POLE: variants seen among roughly 807,000 people sequenced by gnomAD.
POLE encodes the protein DNA polymerase epsilon catalytic subunit A.
In POLE, 188 loss-of-function variants were observed where a neutral mutation model predicts 279.2. That is an observed-to-expected ratio of 0.67 (90% confidence interval 0.60 to 0.76). The LOEUF is 0.76. Ranked by LOEUF, POLE falls within the 30% of genes least tolerant of loss-of-function variation. POLE has a pLI of 0.00. For synonymous variants in POLE, 1,214 were observed against 1,172.5 expected (o/e 1.04, Z -0.72); for missense variants, 2,703 against 3,016.7 (o/e 0.90, Z 2.44).
chr12:132,670,526 G>A (rs1296860680), intron 16 of POLE, among the ~76,000 whole-genome samples: 1 of 150,810 alleles, frequency 6.6e-6, no homozygotes, highest in Non-Finnish European at 1.5e-5. Context: ...TGGGATTCCA[G>A]GCTGCCCAGG....
intron 32 of POLE, among the ~76,000 whole-genome samples, chr12:132,648,116 A>G (rs1479357837): frequency 6.6e-6 from 1 of 152,178 alleles, no homozygotes; most frequent in African/African-American, 2.4e-5. Flanking sequence ...GCCATCTAAG[A>G]GCCTCAGCGC....
intron 16 of POLE, among the ~76,000 whole-genome samples, chr12:132,669,324 G>T (rs771650367): frequency 2.0e-5 from 3 of 152,124 alleles, no homozygotes; most frequent in Non-Finnish European, 2.9e-5. Context: ...AATTAGCCGT[G>T]TGTGGCGGTG....
intron 25 of POLE, 103 bp from the exon 26 acceptor site, chr12:132,659,612 C>T (rs1201228627): frequency 5.5e-6 from 5 of 904,340 alleles, no homozygotes; most frequent in East Asian, 5.2e-5. Flanking sequence ...TAGCCTGAGA[C>T]GCAGAAGGCT....
intron 45 of POLE, among the ~76,000 whole-genome samples, chr12:132,629,755 G>A (rs1275383003): frequency 6.6e-6 from 1 of 152,194 alleles, no homozygotes; most frequent in African/African-American, 2.4e-5. Flanking sequence ...GTGTTCACTG[G>A]AGGAGCACTT....
chr12:132,658,029 C>A (rs1445247105), intron 26 of POLE, 59 bp from the exon 27 acceptor site: 3 of 1,031,284 alleles, frequency 2.9e-6, no homozygotes, highest in Non-Finnish European at 4.6e-6. Flanking sequence ...AAAATCTGAT[C>A]CTAACTCTTA....
At chr12:132,677,100 C>T (rs2043071094) in intron 8 of POLE, among the ~76,000 whole-genome samples, 1 of 152,240 alleles carries the variant, frequency 6.6e-6, no homozygotes. Flanking sequence ...CTATCAACTA[C>T]CCAAACGGAA....
intron 32 of POLE, among the ~76,000 whole-genome samples, chr12:132,648,237 CAG>C (rs2042332902): frequency 6.6e-6 from 1 of 151,872 alleles, no homozygotes; most frequent in African/African-American, 2.4e-5. Flanking sequence ...CAGGCAAACC[CAG>C]AGACAGGAAG....
intron 42 of POLE, 112 bp downstream of exon 42, chr12:132,635,778 GCA>G (rs927670734): frequency 6.9e-6 from 7 of 1,017,156 alleles, no homozygotes; most frequent in Non-Finnish European, 1.0e-5. Context: ...GGATGCGGGT[GCA>G]GTGTCTGCTG....
chr12:132,632,680 C>A lies in POLE; in HGVS notation c.6120G>T (p.Ala2040=), dbSNP rs777260502. ...ACTGCTCACCGGGAAGGGCTCCGAC[C>A]GCCCCCTCGGCCTCCTGGGAGAGCT... ...ASQLSQEAEG[A]VGALPGMITF... is the part of the protein sequence containing the mutation. The change falls in exon 44 of 49, where the codon GCG becomes GCT. Residue 2040 remains alanine, a synonymous_variant. Coordinates refer to ENST00000320574, the MANE Select transcript of POLE (RefSeq NM_006231.4). 1 of 1,613,872 alleles carries A rather than the reference C, an allele frequency of 6.2e-7. No homozygotes were observed. The highest frequency in any genetic ancestry group is 1.3e-5 in the African/African-American group (1 of 74,904).
intron 26 of POLE, 190 bp from the exon 27 acceptor site, chr12:132,658,160 G>A: frequency 3.7e-6 from 2 of 542,966 alleles, no homozygotes; most frequent in South Asian, 4.1e-5. Context: ...ACGTGCGTAT[G>A]TGTAAACACG....
rs367920615 is a variant in POLE, at chr12:132,639,009, T to G, written c.5552+116A>C. The G allele has an allele frequency of 9.0e-6, 8 of 887,514 alleles. No homozygotes were observed. The African/African-American group carries it at 1.3e-4, about 15-fold the overall frequency. 55.0% of individuals were successfully genotyped at this position (887,514 alleles called of 1,614,324 possible). A position where few individuals can be genotyped will look rare whatever the true frequency, so the allele number is the denominator to read the frequency against. On this transcript the variant is annotated intron_variant, in intron 40 of 48. Coordinates refer to ENST00000320574, the MANE Select transcript of POLE (RefSeq NM_006231.4). This position sits in a 1 kb window ranked among gnomAD's most constrained non-coding sequence, Gnocchi z 4.7. ...CTTTGGATTGTTATGCTCCACAAACTCAGAAATACACTACTTATCCCAGAG... is the reference window on the plus strand; with the variant it reads ...CTTTGGATTGTTATGCTCCACAAACGCAGAAATACACTACTTATCCCAGAG...
chr12:132,664,993 CCT>C lies in POLE; in HGVS notation c.2468+307_2468+308del, dbSNP rs1414689898. ...GCAACTGCCCGACACTCTGCAAGTCCCTGAGTGAGGATCCACGCTGGGAGACA... is the reference window on the plus strand; with the variant it reads ...GCAACTGCCCGACACTCTGCAAGTCCGAGTGAGGATCCACGCTGGGAGACA... On this transcript the variant is annotated intron_variant, in intron 21 of 48. Transcript: ENST00000320574. The surrounding 1 kb of genome is among the most constrained non-coding windows in gnomAD (Gnocchi z 5.3). Among the ~76,000 whole-genome samples the C allele has an allele frequency of 1.3e-5, 2 of 152,092 alleles. No homozygotes were observed. The highest frequency in any genetic ancestry group is 2.9e-5 in the Non-Finnish European group (2 of 68,006).
chr12:132,657,301 C>T (rs374138268), intron 28 of POLE, 43 bp from the exon 29 acceptor site: 2 of 1,613,978 alleles, frequency 1.2e-6, no homozygotes, highest in African/African-American at 2.7e-5. Context: ...CCTTGTCTAA[C>T]TGCACAGTTT....
At chr12:132,659,201 TGAGGGGAGCCCTCACCTCTCCGTGACG>T in intron 26 of POLE, 67 bp downstream of exon 26, 1 of 1,287,230 alleles carries the variant, frequency 7.8e-7, no homozygotes, top group Non-Finnish European at 1.1e-6. Context: ...CTCTCTGTGA[TGAGGGGAGCCCTCACCTCTCCGTGACG>T]GAGGGAGCCC....
rs1322320493 is a variant in POLE at position 132,661,351 on chromosome 12, C to G, written c.2864+176G>C. Among the ~76,000 whole-genome samples, 1 of 152,154 alleles carries G rather than the reference C, an allele frequency of 6.6e-6. No homozygotes were observed. The highest frequency in any genetic ancestry group is 1.5e-5 in the Non-Finnish European group (1 of 68,028). On this transcript the variant is annotated intron_variant, in intron 24 of 48. Transcript: ENST00000320574. The surrounding 1 kb of genome is among the most constrained non-coding windows in gnomAD (Gnocchi z 4.1). ...GGAAAATGGCTGAAGGGCCTGCAGC[C>G]ACAGAGCCAGAATACAGCAGGCGGG...
At chr12:132,677,245 G>T in intron 8 of POLE, 118 bp downstream of exon 8, 1 of 766,230 alleles carries the variant, frequency 1.3e-6, no homozygotes, top group East Asian at 2.5e-5. Context: ...CTTTAATAAA[G>T]TATTTGGGGG....
At chr12:132,637,378 C>T (rs750573213) in intron 41 of POLE, among the ~76,000 whole-genome samples, 1 of 152,340 alleles carries the variant, frequency 6.6e-6, no homozygotes, top group Non-Finnish European at 1.5e-5. Flanking sequence ...TCAGAAAGGG[C>T]TGCATTCATC....
chr12:132,647,128 G>A (rs1015198746), intron 32 of POLE, among the ~76,000 whole-genome samples: 1 of 152,100 alleles, frequency 6.6e-6, no homozygotes, highest in Non-Finnish European at 1.5e-5. Flanking sequence ...GGCCTACCGT[G>A]TACCTTAACA....
At position 132,665,177 on chromosome 12, in the gene POLE, T is replaced by C; in HGVS notation, c.2468+125A>G. ...AGCCCCACCCCAGCCCAAAGCCTTC[T>C]CCCTCCAACATTCCTTGAATCAGAT... On this transcript the variant is annotated intron_variant, in intron 21 of 48. Transcript: ENST00000320574. 2.9e-6 allele frequency: 3 copies of C among 1,046,134 alleles called. No homozygotes were observed. In the South Asian group the frequency reaches 4.5e-5, roughly 16 times the overall value. 64.8% of individuals were successfully genotyped at this position (1,046,134 alleles called of 1,614,324 possible). A position where few individuals can be genotyped will look rare whatever the true frequency, so the allele number is the denominator to read the frequency against.
Sources: allele counts gnomAD v4.1 joint callset (sites outside exome capture counted in the v4.1 genomes callset), GRCh38; gene constraint gnomAD v4.1.1; non-coding constraint Gnocchi (gnomAD v3.1); transcripts MANE v1.5; gene names NCBI Gene and HGNC (gene_info 2026-07-23, HGNC 2026-07-21).